Variants in TUSC3 observed in about 807,000 individuals in gnomAD.
TUSC3 encodes the protein tumor suppressor candidate 3, also known as dolichyl-diphosphooligosaccharide--protein glycosyltransferase subunit TUSC3.
In TUSC3, 45 loss-of-function variants were observed where a neutral mutation model predicts 44.8. The ratio of observed to expected loss-of-function variants is 1.00; its 90% confidence interval spans 0.79 to 1.29. TUSC3 has a LOEUF of 1.29. Ranked by LOEUF, TUSC3 falls within the 50% of genes most tolerant of loss-of-function variation. TUSC3 has a pLI of 0.00. For synonymous variants in TUSC3, 212 were observed against 152.9 expected, an observed-to-expected ratio of 1.39 and a Z score of -2.85; for missense variants, 519 against 437.9, an observed-to-expected ratio of 1.19 and a Z score of -1.65.
intron 2 of TUSC3, among the ~76,000 whole-genome samples, chr8:15,521,486 C>CA (rs1323040368): frequency 6.6e-6 from 1 of 152,104 alleles, no homozygotes; most frequent in Non-Finnish European, 1.5e-5. Context: ...CAGTTGGTCT[C>CA]AACTATTGGA....
intron 1 of TUSC3, among the ~76,000 whole-genome samples, chr8:15,442,393 A>G (rs1452644290): frequency 6.6e-6 from 1 of 152,158 alleles, no homozygotes; most frequent in East Asian, 1.9e-4. Flanking sequence ...AGTAGAAAAA[A>G]GGTAAAGTTA....
At chr8:15,785,909 T>G in the TUSC3 span, among the ~76,000 whole-genome samples, 2 of 152,046 alleles carry the variant, frequency 1.3e-5, no homozygotes, top group African/African-American at 4.8e-5. Context: ...AATTGCTTGT[T>G]TGAAAAAAAA....
the TUSC3 span, among the ~76,000 whole-genome samples, chr8:15,786,458 A>C: frequency 0.034 from 5,148 of 152,336 alleles, 99 homozygotes; most frequent in African/African-American, 0.053. Flanking sequence ...CTCAAAGGAC[A>C]GTAAGAAAAT....
At chr8:15,499,219 CT>C (rs1419068383) in intron 2 of TUSC3, among the ~76,000 whole-genome samples, 1 of 152,256 alleles carries the variant, frequency 6.6e-6, no homozygotes, top group African/African-American at 2.4e-5. Flanking sequence ...ATCCTTCTGC[CT>C]CTCTCTTACC....
At chr8:15,443,647 C>T (rs997127617) in intron 1 of TUSC3, among the ~76,000 whole-genome samples, 2 of 152,034 alleles carry the variant, frequency 1.3e-5, no homozygotes, top group African/African-American at 4.8e-5. Flanking sequence ...TGATAACAGC[C>T]CTTTCCCAAA....
At chr8:15,749,746 T>C (rs1811610652) in intron 9 of TUSC3, among the ~76,000 whole-genome samples, 1 of 143,716 alleles carries the variant, frequency 7.0e-6, no homozygotes, top group South Asian at 2.2e-4. Context: ...TTTTTTTTTT[T>C]CTTTTGCCCT....
At chr8:15,693,660 C>G (rs1467637796) in intron 6 of TUSC3, among the ~76,000 whole-genome samples, 1 of 151,522 alleles carries the variant, frequency 6.6e-6, no homozygotes, top group East Asian at 2.0e-4. Flanking sequence ...CACAGGGGTT[C>G]TCTGCATTTC....
chr8:15,647,422 A>G (rs1318189027), intron 2 of TUSC3, among the ~76,000 whole-genome samples: 2 of 152,048 alleles, frequency 1.3e-5, no homozygotes, highest in African/African-American at 4.8e-5. Flanking sequence ...TGTTGGAATA[A>G]ATACGGTTTT....
chr8:15,828,750 A>G, the TUSC3 span, among the ~76,000 whole-genome samples: 1 of 152,192 alleles, frequency 6.6e-6, no homozygotes, highest in Non-Finnish European at 1.5e-5. Context: ...CCTTTGCCAC[A>G]TATTTATATC....
At chr8:15,487,021 AG>A (rs1270400791) in intron 2 of TUSC3, among the ~76,000 whole-genome samples, 3 of 152,208 alleles carry the variant, frequency 2.0e-5, no homozygotes, top group Non-Finnish European at 4.4e-5. Context: ...TGCACTGAAA[AG>A]CTTCAGTTTT....
the TUSC3 span, among the ~76,000 whole-genome samples, chr8:15,795,511 G>T: frequency 6.6e-6 from 1 of 152,146 alleles, no homozygotes; most frequent in Non-Finnish European, 1.5e-5. Context: ...AGACTCTTTG[G>T]ATAAACTAAT....
chr8:15,763,570 T>G (rs1032130487), intron 10 of TUSC3, among the ~76,000 whole-genome samples: 3 of 152,086 alleles, frequency 2.0e-5, no homozygotes, highest in Non-Finnish European at 4.4e-5. Context: ...AAACAAAAGC[T>G]TCATAAATGT....
At chr8:15,548,307 CA>C (rs1391942772) in intron 1 of TUSC3, among the ~76,000 whole-genome samples, 30 of 151,928 alleles carry the variant, frequency 2.0e-4, no homozygotes, top group African/African-American at 7.0e-4. Context: ...GGACACTTGC[CA>C]GCCCTAAGCA....
the TUSC3 span, among the ~76,000 whole-genome samples, chr8:15,849,855 A>G: frequency 6.6e-6 from 1 of 151,990 alleles, no homozygotes; most frequent in Non-Finnish European, 1.5e-5. Flanking sequence ...TGTGTGGCTC[A>G]CTCCAGTGCT....
the TUSC3 span, among the ~76,000 whole-genome samples, chr8:15,776,022 T>C: frequency 6.6e-6 from 1 of 152,006 alleles, no homozygotes; most frequent in Non-Finnish European, 1.5e-5. Flanking sequence ...AGTTTGACTG[T>C]AGAAAAGATG....
At chr8:15,851,889 A>T in the TUSC3 span, among the ~76,000 whole-genome samples, 2 of 152,168 alleles carry the variant, frequency 1.3e-5, no homozygotes, top group South Asian at 4.2e-4. Context: ...ATTGGGGAGG[A>T]TTCCCCCATA....
At chr8:15,618,733 G>C (rs1181756663) in intron 1 of TUSC3, among the ~76,000 whole-genome samples, 1 of 152,166 alleles carries the variant, frequency 6.6e-6, no homozygotes, top group Non-Finnish European at 1.5e-5. Flanking sequence ...TCGTTATCAA[G>C]TATTATATAC....
the TUSC3 span, among the ~76,000 whole-genome samples, chr8:15,790,826 G>C: frequency 6.6e-6 from 1 of 152,184 alleles, no homozygotes; most frequent in Non-Finnish European, 1.5e-5. Flanking sequence ...CACAAGTGAG[G>C]AGAGGAGGGG....
chr8:15,669,715 G>T (rs1807856091), intron 5 of TUSC3, among the ~76,000 whole-genome samples: 1 of 151,618 alleles, frequency 6.6e-6, no homozygotes, highest in Admixed American at 6.6e-5. Context: ...TCCTTAATCT[G>T]ATTAAAAAAC....
Sources: allele counts gnomAD v4.1 joint callset (sites outside exome capture counted in the v4.1 genomes callset), GRCh38; gene constraint gnomAD v4.1.1; transcripts MANE v1.5; gene names NCBI Gene and HGNC (gene_info 2026-07-23, HGNC 2026-07-21).